FOXN2: variants seen among roughly 807,000 people sequenced by gnomAD.
FOXN2 encodes forkhead box N2.
Under a neutral mutation model 41.2 loss-of-function variants are expected in FOXN2, and 19 were observed. That is an observed-to-expected ratio of 0.46 (90% confidence interval 0.32 to 0.68). The LOEUF (loss-of-function observed/expected upper bound fraction) is 0.68, where lower values mean the gene tolerates loss of function less well. Among genes scored for constraint, FOXN2 ranks in the 30% least tolerant of loss-of-function variants. The pLI is 0.03. For missense variants in FOXN2, 587 were observed against 509.4 expected, an observed-to-expected ratio of 1.15 and a Z score of -1.47; for synonymous variants, 195 against 176.8, an observed-to-expected ratio of 1.10 and a Z score of -0.82.
intron 2 of FOXN2, among the ~76,000 whole-genome samples, chr2:48,334,819 T>C (rs1670229654): frequency 6.6e-6 from 1 of 152,202 alleles, no homozygotes; most frequent in Admixed American, 6.5e-5. Flanking sequence ...ATAAGAGTGA[T>C]ATAGAAATTA....
At chr2:48,323,378 T>A (rs1669464528) in intron 1 of FOXN2, among the ~76,000 whole-genome samples, 1 of 152,186 alleles carries the variant, frequency 6.6e-6, no homozygotes, top group South Asian at 2.1e-4. Flanking sequence ...TCCCCCTTTC[T>A]CCACATCCTT....
intron 3 of FOXN2, among the ~76,000 whole-genome samples, chr2:48,348,470 C>G (rs771262818): frequency 6.6e-5 from 10 of 152,046 alleles, no homozygotes. Flanking sequence ...GTTTCAATAT[C>G]TGGTCCATCT....
At chr2:48,338,739 A>G (rs1409763806) in intron 2 of FOXN2, among the ~76,000 whole-genome samples, 1 of 152,160 alleles carries the variant, frequency 6.6e-6, no homozygotes, top group Non-Finnish European at 1.5e-5. Context: ...TTTTATGTTT[A>G]TATGTGAAAG....
rs1410142183 is a variant in FOXN2 at position 48,346,525 on chromosome 2, C to G, written c.311C>G (p.Pro104Arg). ...PSFGPACYQNPEKKSATSKPP... is the reference protein window; with the variant it reads ...PSFGPACYQNREKKSATSKPP... ...TTTGGACCAGCTTGCTACCAGAACC[C>G]AGAAAAAAAATCAGCGACTTCAAAG... Residue 104 changes from proline to arginine, a missense_variant, in exon 3 of 7, where the codon CCA (proline) becomes CGA (arginine). Physicochemically the swap from Pro to Arg is moderately radical, Grantham distance 103. Transcript: ENST00000340553. The G allele has an allele frequency of 6.2e-7, 1 of 1,612,596 alleles. No individual in the cohort carries two copies. The highest frequency in any genetic ancestry group is 1.7e-4 in the Middle Eastern group (1 of 6,040).
chr2:48,359,918 A>G (rs1164327360), intron 4 of FOXN2, among the ~76,000 whole-genome samples: 2 of 152,134 alleles, frequency 1.3e-5, no homozygotes, highest in South Asian at 2.1e-4. Context: ...AACATTTTAT[A>G]TACATATGTA....
upstream of FOXN2, among the ~76,000 whole-genome samples, chr2:48,313,788 T>C (rs146790942): frequency 3.3e-3 from 497 of 152,290 alleles, 5 homozygotes; most frequent in African/African-American, 0.011. Context: ...ATGAGTTAGA[T>C]AGGGTTCTCA....
chr2:48,363,095 A>G (rs183537988), intron 5 of FOXN2, among the ~76,000 whole-genome samples: 1 of 152,320 alleles, frequency 6.6e-6, no homozygotes, highest in African/African-American at 2.4e-5. Context: ...TTTAGGAGGT[A>G]TTCTAGAAGG....
intron 5 of FOXN2, among the ~76,000 whole-genome samples, chr2:48,366,711 C>G (rs1672559864): frequency 6.6e-6 from 1 of 152,136 alleles, no homozygotes; most frequent in Middle Eastern, 3.4e-3. Context: ...TGCTGCCCCT[C>G]TTTTACAGAT....
At chr2:48,330,798 C>T (rs945268660) in intron 2 of FOXN2, among the ~76,000 whole-genome samples, 5 of 152,058 alleles carry the variant, frequency 3.3e-5, no homozygotes, top group African/African-American at 1.2e-4. Context: ...TTACATGCTT[C>T]AGGATTCACA....
rs146151846 is a variant in FOXN2 at position 48,334,422 on chromosome 2, A to G, written c.-15+5720A>G. Among the ~76,000 whole-genome samples, 345 of 152,258 alleles carry G rather than the reference A, an allele frequency of 2.3e-3. 5 individuals carry two copies. The highest frequency in any genetic ancestry group is 1.5e-3 in the Non-Finnish European group (101 of 68,004). The stretch of plus-strand genomic sequence containing the variant: ...GGGAGAAAGGAAAACATAAGAAATT[A>G]TGTGCTAAAATAAAGGATAATGTAC... On this transcript the variant is annotated intron_variant, in intron 2 of 6. Coordinates refer to ENST00000340553, the MANE Select transcript of FOXN2 (RefSeq NM_002158.4).
rs562195135 is a variant in FOXN2, at chr2:48,327,564, G to A, written c.-156-997G>A. On this transcript the variant is annotated intron_variant, in intron 1 of 6. Coordinates refer to ENST00000340553, the MANE Select transcript of FOXN2 (RefSeq NM_002158.4). ...GGGTTCAAGGGATTCTCCTGCCTCA[G>A]CCTCCCAAGTAGCTGGGATTACAGG... 8.5e-5 allele frequency among the ~76,000 whole-genome samples: 13 copies of A among 152,098 alleles called. No individual in the cohort carries two copies. In the South Asian group the frequency reaches 2.5e-3, roughly 29 times the overall value.
At chr2:48,319,035 A>G (rs748326627) in intron 1 of FOXN2, among the ~76,000 whole-genome samples, 3 of 152,190 alleles carry the variant, frequency 2.0e-5, no homozygotes, top group Non-Finnish European at 2.9e-5. Context: ...AATCCCTGGG[A>G]TAGTTTAATT....
rs143439427 is a variant in FOXN2, at chr2:48,319,927, T to C, written c.-157+5113T>C. ...GATTTTAGGCATGAGCCACCTCACC[T>C]GGCCAATCTTTAAATTAAATTTTGC... On this transcript the variant is annotated intron_variant, in intron 1 of 6. Coordinates refer to ENST00000340553, the MANE Select transcript of FOXN2 (RefSeq NM_002158.4). Among the ~76,000 whole-genome samples, 608 of 151,206 alleles carry C rather than the reference T, an allele frequency of 4.0e-3. 7 individuals carry two copies. The highest frequency in any genetic ancestry group is 0.014 in the African/African-American group (572 of 41,230).
In FOXN2 at chr2:48,336,435, ATGTGTGTGTG is replaced by A. The variant is rs748406091; in HGVS notation, c.-15+7747_-15+7756del. The stretch of plus-strand genomic sequence containing the variant: ...AAAAAAAAAATATATATATATGTAT[ATGTGTGTGTG>A]TGTGTGTGTGTGTATATATATTTAT... On this transcript the variant is annotated intron_variant, in intron 2 of 6. Coordinates refer to ENST00000340553, the MANE Select transcript of FOXN2 (RefSeq NM_002158.4). 1.7e-3 allele frequency among the ~76,000 whole-genome samples: 248 copies of A among 146,162 alleles called. 4 individuals carry two copies. The South Asian group carries it at 0.041, about 24-fold the overall frequency.
At chr2:48,362,506 C>T in intron 4 of FOXN2, 137 bp from the exon 5 acceptor site, 1 of 683,546 alleles carries the variant, frequency 1.5e-6, no homozygotes, top group South Asian at 1.8e-5. Context: ...AAAGTCAAGG[C>T]TGCAGTAGGC....
intron 2 of FOXN2, among the ~76,000 whole-genome samples, chr2:48,342,324 T>G (rs918686856): frequency 6.6e-6 from 1 of 152,138 alleles, no homozygotes; most frequent in African/African-American, 2.4e-5. Flanking sequence ...GTAAGTTGTT[T>G]ATAGTTTTCC....
intron 5 of FOXN2, among the ~76,000 whole-genome samples, chr2:48,367,537 A>G (rs1177659872): frequency 6.6e-6 from 1 of 152,254 alleles, no homozygotes; most frequent in African/African-American, 2.4e-5. Flanking sequence ...TCAGAGAATT[A>G]CAAGAGACAG....
intron 1 of FOXN2, among the ~76,000 whole-genome samples, chr2:48,317,367 T>G (rs1668989552): frequency 6.6e-6 from 1 of 151,594 alleles, no homozygotes; most frequent in South Asian, 2.1e-4. Flanking sequence ...GAGAATCGCT[T>G]GAACCTAGGA....
intron 3 of FOXN2, among the ~76,000 whole-genome samples, chr2:48,353,552 CTGTGTGTGTGTG>C (rs57528113): frequency 0.053 from 6,770 of 128,858 alleles, 307 homozygotes; most frequent in African/African-American, 0.14. Context: ...TCACTTAAGA[CTGTGTGTGTGTG>C]TGTGTGTGTG....
Sources: gnomAD v4.1 joint callset for allele counts (sites outside exome capture counted in the v4.1 genomes callset) on GRCh38, gnomAD v4.1.1 for gene constraint, MANE v1.5 for transcripts, NCBI Gene and HGNC (gene_info 2026-07-23, HGNC 2026-07-21) for gene names.